GPR4: variants seen among roughly 807,000 people sequenced by gnomAD.
GPR4 encodes G protein-coupled receptor 4.
Under a neutral mutation model 17.8 loss-of-function variants are expected in GPR4, and 11 were observed. That is an observed-to-expected ratio of 0.62 (90% CI 0.39 to 1.02). GPR4 has a LOEUF of 1.02. GPR4 is among the 50% of genes least tolerant of loss of function. GPR4 has a pLI of 0.00. For synonymous variants in GPR4, 219 were observed against 222.8 expected (o/e 0.98, Z 0.15); for missense variants, 364 against 495.4 (o/e 0.73, Z 2.52).
intron 1 of GPR4, among the ~76,000 whole-genome samples, chr19:45,596,050 C>CA (rs960705996): frequency 4.6e-5 from 7 of 152,160 alleles, no homozygotes; most frequent in Admixed American, 3.9e-4. Flanking sequence ...GCGTCTCTCT[C>CA]AAACGCCTGC....
chr19:45,595,184 G>A (rs535061799), intron 1 of GPR4, among the ~76,000 whole-genome samples: 48 of 152,100 alleles, frequency 3.2e-4, no homozygotes, highest in Non-Finnish European at 6.5e-4. Flanking sequence ...GCTGAGGTGG[G>A]AGAATTGCTT....
At chr19:45,599,908 A>T (rs1401347747) in intron 1 of GPR4, among the ~76,000 whole-genome samples, 3 of 152,098 alleles carry the variant, frequency 2.0e-5, no homozygotes, top group African/African-American at 7.2e-5. Context: ...GCATTCTATG[A>T]CTTTCATAAT....
At chr19:45,595,497 ACT>A (rs994475465) in intron 1 of GPR4, among the ~76,000 whole-genome samples, 9 of 151,798 alleles carry the variant, frequency 5.9e-5, no homozygotes, top group Non-Finnish European at 8.8e-5. Flanking sequence ...CTCAGGGACC[ACT>A]CTCTTCACTG....
intron 1 of GPR4, among the ~76,000 whole-genome samples, chr19:45,601,640 CAG>C (rs1970113161): frequency 6.6e-6 from 1 of 151,938 alleles, no homozygotes; most frequent in East Asian, 1.9e-4. Flanking sequence ...GAGAAAGAGA[CAG>C]GGCAATAGAG....
At position 45,591,157 on chromosome 19, in the gene GPR4, A is replaced by C; in HGVS notation, c.710T>G (p.Phe237Cys). The change falls in exon 2 of 2, where the codon TTT (phenylalanine) becomes TGT (cysteine). Residue 237 changes from phenylalanine (F) to cysteine (C), a missense_variant. Phe to Cys is a radical substitution (Grantham distance 205, BLOSUM62 -2). This residue lies in a region of GPR4 where 271 missense variants were observed against 373.1 expected (regional missense o/e 0.73). Transcript: ENST00000323040. The surrounding 1 kb of genome is among the most constrained non-coding windows in gnomAD (Gnocchi z 7.6). ...LSLIAIVLVC[F>C]APYHVLLLSR... Reference sequence around the variant, plus strand: ...CAGCAAGAGCACGTGATAGGGCGCAAAGCAGACCAGCACGATGGCGATGAG... The same window carrying C: ...CAGCAAGAGCACGTGATAGGGCGCACAGCAGACCAGCACGATGGCGATGAG... 6.2e-7 allele frequency: 1 copy of C among 1,613,636 alleles called. No homozygotes were observed. The highest frequency in any genetic ancestry group is 1.7e-5 in the Admixed American group (1 of 60,018).
In GPR4 at chr19:45,590,546, A is replaced by T. The variant is rs563895432; in HGVS notation, c.*232T>A. 82 of 492,536 alleles carry T rather than the reference A, an allele frequency of 1.7e-4. No individual in the cohort carries two copies. Among genetic ancestry groups the T allele is most frequent in the African/African-American group, 1.4e-3 (72 of 51,112 alleles). 30.5% of individuals were successfully genotyped at this position (492,536 alleles called of 1,614,324 possible). On this transcript the variant is annotated 3_prime_UTR_variant, in exon 2 of 2. Transcript: ENST00000323040. ...CACAGTGAGACCCTGTCTCCAAAAA[A>T]ATATATTTACTCATCTCCTCCTTCA...
chr19:45,599,429 C>A lies in GPR4; in HGVS notation c.-832+2666G>T, dbSNP rs377558296. 1.8e-4 allele frequency among the ~76,000 whole-genome samples: 27 copies of A among 151,966 alleles called. No homozygotes were observed. In the South Asian group the frequency reaches 3.8e-3, roughly 21 times the overall value. On this transcript the variant is annotated intron_variant, in intron 1 of 1. Coordinates refer to ENST00000323040, the MANE Select transcript of GPR4 (RefSeq NM_005282.3). ...TCTGTGGGCTCCTGCTCCCACCACC[C>A]CCCCCTCCCCGCCTTCTCCCTGCAG...
intron 1 of GPR4, among the ~76,000 whole-genome samples, chr19:45,595,735 C>CT (rs34593260): frequency 3.9e-4 from 57 of 146,532 alleles, no homozygotes; most frequent in South Asian, 4.3e-4. Flanking sequence ...TGAAACCTGG[C>CT]TTTTTTTTTT....
In GPR4 at chr19:45,590,765, T is replaced by C. The variant is rs1261485021; in HGVS notation, c.*13A>G. On this transcript the variant is annotated 3_prime_UTR_variant, in exon 2 of 2. Coordinates refer to ENST00000323040, the MANE Select transcript of GPR4 (RefSeq NM_005282.3). ...TGAGAGGGGAAAACTGGGGATTCTG[T>C]GCCACTCGGGGTTCATTGTGCTGGC... The C allele has an allele frequency of 6.5e-7, 1 of 1,546,664 alleles. No individual in the cohort carries two copies. The highest frequency in any genetic ancestry group is 8.7e-7 in the Non-Finnish European group (1 of 1,145,978).
chr19:45,592,862 G>A (rs185090385), intron 1 of GPR4, among the ~76,000 whole-genome samples, 165 bp from the exon 2 acceptor site: 1 of 152,188 alleles, frequency 6.6e-6, no homozygotes, highest in Non-Finnish European at 1.5e-5. Flanking sequence ...GATTTGAGGT[G>A]TCAGGCATAT....
chr19:45,591,983 G>T lies in GPR4; in HGVS notation c.-117C>A. 1 of 1,119,686 alleles carries T rather than the reference G, an allele frequency of 8.9e-7. No individual in the cohort carries two copies. The highest frequency in any genetic ancestry group is 1.3e-6 in the Non-Finnish European group (1 of 795,334). The allele number at this position is 1,119,686 out of a possible 1,614,324, so 69.4% of individuals were successfully genotyped here. ...TTCCTTGGAGGCTCAGGGGAACATG[G>T]TGGGATGTGGTCTACAGGGAAGAGA... On this transcript the variant is annotated 5_prime_UTR_variant, in exon 2 of 2. Coordinates refer to ENST00000323040, the MANE Select transcript of GPR4 (RefSeq NM_005282.3). The surrounding 1 kb of genome is among the most constrained non-coding windows in gnomAD (Gnocchi z 7.6).
At position 45,591,027 on chromosome 19, in the gene GPR4, C is replaced by T. The variant is rs1386362698; in HGVS notation, c.840G>A (p.Val280=). The change falls in exon 2 of 2, where the codon GTG becomes GTA. Residue 280 remains valine (V), a synonymous_variant. Transcript: ENST00000323040. The surrounding 1 kb of genome is among the most constrained non-coding windows in gnomAD (Gnocchi z 7.6). ...CCAGGCAGTAGAGGATGGGGTCCGC[C>T]ACACAGTTGAGGCTGGTGAAAGCCA... ...SSLAFTSLNC[V]ADPILYCLVN... 2 of 1,613,876 alleles carry T rather than the reference C, an allele frequency of 1.2e-6. No homozygotes were observed. The highest frequency in any genetic ancestry group is 2.7e-5 in the African/African-American group (2 of 74,930).
rs1431564430 is a variant in GPR4, at chr19:45,590,266, G to A, written c.*512C>T. 1 of 152,968 alleles carries A rather than the reference G, an allele frequency of 6.5e-6. No individual in the cohort carries two copies. The highest frequency in any genetic ancestry group is 2.4e-5 in the African/African-American group (1 of 41,486). 9.5% of individuals were successfully genotyped at this position (152,968 alleles called of 1,614,324 possible). A position where few individuals can be genotyped will look rare whatever the true frequency, so the allele number is the denominator to read the frequency against. ...TGACTTAATTTATCTGGCCAGACATGGCGGCTCACATCTCTAATCTGAGCA... is the reference window on the plus strand; with the variant it reads ...TGACTTAATTTATCTGGCCAGACATAGCGGCTCACATCTCTAATCTGAGCA... On this transcript the variant is annotated 3_prime_UTR_variant, in exon 2 of 2. Transcript: ENST00000323040.
chr19:45,597,744 T>A (rs1319243498), intron 1 of GPR4, among the ~76,000 whole-genome samples: 4 of 151,520 alleles, frequency 2.6e-5, no homozygotes, highest in South Asian at 2.1e-4. Context: ...AACAAGGGCA[T>A]GGGGAGGAGG....
rs146715818 is a variant in GPR4, at chr19:45,598,217, A to G, written c.-832+3878T>C. On this transcript the variant is annotated intron_variant, in intron 1 of 1. Transcript: ENST00000323040. ...TATAGTCATCACATCACAGACCGGA[A>G]CGTCCTTGCTAGAATGCGATATCAG... Among the ~76,000 whole-genome samples the G allele has an allele frequency of 2.2e-3, 336 of 152,256 alleles. 1 individual carries two copies. The highest frequency in any genetic ancestry group is 3.9e-3 in the Non-Finnish European group (262 of 68,008).
chr19:45,591,973 G>A lies in GPR4; in HGVS notation c.-107C>T. The A allele has an allele frequency of 1.6e-6, 2 of 1,232,096 alleles. No homozygotes were observed. Among genetic ancestry groups the A allele is most frequent in the Non-Finnish European group, 2.2e-6 (2 of 893,598 alleles). 76.3% of individuals were successfully genotyped at this position (1,232,096 alleles called of 1,614,324 possible). On this transcript the variant is annotated 5_prime_UTR_variant, in exon 2 of 2. Transcript: ENST00000323040. The surrounding 1 kb of genome is among the most constrained non-coding windows in gnomAD (Gnocchi z 7.6). ...CCTGAGCCCCTTCCTTGGAGGCTCA[G>A]GGGAACATGGTGGGATGTGGTCTAC...
At chr19:45,599,431 C>A (rs1278440794) in intron 1 of GPR4, among the ~76,000 whole-genome samples, 1 of 151,910 alleles carries the variant, frequency 6.6e-6, no homozygotes, top group Non-Finnish European at 1.5e-5. Context: ...CCACCACCCC[C>A]CCCTCCCCGC....
chr19:45,595,544 G>A (rs1236942357), intron 1 of GPR4, among the ~76,000 whole-genome samples: 1 of 152,090 alleles, frequency 6.6e-6, no homozygotes, highest in Non-Finnish European at 1.5e-5. Context: ...TCCTGAGTGA[G>A]AACCTTGAGC....
Position 45,590,766 on chromosome 19 carries a change from G to A in GPR4, c.*12C>T. ...GAGAGGGGAAAACTGGGGATTCTGT[G>A]CCACTCGGGGTTCATTGTGCTGGCG... On this transcript the variant is annotated 3_prime_UTR_variant, in exon 2 of 2. Transcript: ENST00000323040. 6.5e-7 allele frequency: 1 copy of A among 1,547,060 alleles called. No homozygotes were observed. The highest frequency in any genetic ancestry group is 1.4e-5 in the African/African-American group (1 of 73,074).
Sources: gnomAD v4.1 joint callset for allele counts (sites outside exome capture counted in the v4.1 genomes callset) on GRCh38, gnomAD v4.1.1 for gene constraint, gnomAD v4.1.1 regional missense constraint, Gnocchi (gnomAD v3.1) non-coding constraint, MANE v1.5 for transcripts, NCBI Gene and HGNC (gene_info 2026-07-23, HGNC 2026-07-21) for gene names.